The following PRDM10 variants were observed in gnomAD, a reference collection of about 807,000 sequenced individuals.
PRDM10 encodes PR domain zinc finger protein 10.
PRDM10 carries 65 observed loss-of-function variants against 133.1 expected under a neutral mutation model. The observed-to-expected ratio is 0.49, with a 90% CI of 0.40 to 0.60. The LOEUF is 0.60. Among genes scored for constraint, PRDM10 ranks in the 20% least tolerant of loss-of-function variants. PRDM10 has a pLI of 0.00. For missense variants in PRDM10, 1,137 were observed against 1,507.1 expected, an observed-to-expected ratio of 0.75 and a Z score of 4.07; for synonymous variants, 582 against 580.4, an observed-to-expected ratio of 1.00 and a Z score of -0.04.
intron 1 of PRDM10, among the ~76,000 whole-genome samples, chr11:129,979,245 A>G (rs1479439582): frequency 6.6e-6 from 1 of 152,126 alleles, no homozygotes; most frequent in East Asian, 1.9e-4. Context: ...ACGTGCCTGC[A>G]AAAAAACTGC....
rs539726751 is a variant in PRDM10 at position 129,960,850 on chromosome 11, C to T, written c.69+46G>A. The T allele has an allele frequency of 1.3e-4, 215 of 1,600,038 alleles. No individual in the cohort carries two copies. In the Admixed American group the frequency reaches 1.5e-3, roughly 11 times the overall value. On this transcript the variant is annotated intron_variant, in intron 2 of 20. Coordinates refer to ENST00000360871, the MANE Select transcript of PRDM10 (RefSeq NM_199437.2). ...TTCTTTGCTGTCAGCAAACTGAGTC[C>T]AGCTGAAAACCTCTCAATACCAAGC...
chr11:129,942,715 G>A, intron 6 of PRDM10, 86 bp from the exon 7 acceptor site: 1 of 1,222,956 alleles, frequency 8.2e-7, no homozygotes, highest in Non-Finnish European at 1.2e-6. Context: ...GCAAAATATT[G>A]CTTCTAAAAT....
rs193138495 is a variant in PRDM10, at chr11:129,906,179, C to T, written c.3164-438G>A. Among the ~76,000 whole-genome samples the T allele has an allele frequency of 3.4e-4, 52 of 152,236 alleles. No homozygotes were observed. In the East Asian group the frequency reaches 7.3e-3, roughly 21 times the overall value. On this transcript the variant is annotated intron_variant, in intron 19 of 20. Coordinates refer to ENST00000360871, the MANE Select transcript of PRDM10 (RefSeq NM_199437.2). ...ATTAGAGCAAATTAAAAATAAAGCC[C>T]ACCCTAGCATCTTGTTGATGGTCTC... is the stretch of plus-strand genomic sequence containing the variant.
Position 129,987,474 on chromosome 11 carries a change from G to A in PRDM10, c.-119+15248C>T, listed in dbSNP as rs527239910. ...CTGCTGCCAATATGGAAAACAGCCC[G>A]GCAATTCCACAGAAGACTAAACATA... On this transcript the variant is annotated intron_variant, in intron 1 of 20. Coordinates refer to ENST00000360871, the MANE Select transcript of PRDM10 (RefSeq NM_199437.2). 4.7e-4 allele frequency among the ~76,000 whole-genome samples: 71 copies of A among 152,198 alleles called. 1 individual carries two copies. In the South Asian group the frequency reaches 0.012, roughly 25 times the overall value.
intron 11 of PRDM10, among the ~76,000 whole-genome samples, chr11:129,928,056 A>G (rs1458206804): frequency 6.6e-6 from 1 of 152,192 alleles, no homozygotes; most frequent in African/African-American, 2.4e-5. Flanking sequence ...GAATTCTAAG[A>G]CAACAGATTA....
chr11:129,941,136 C>T lies in PRDM10; in HGVS notation c.966+1290G>A, dbSNP rs534175503. Among the ~76,000 whole-genome samples the T allele has an allele frequency of 1.4e-4, 22 of 152,294 alleles. No homozygotes were observed. In the East Asian group the frequency reaches 4.2e-3, roughly 29 times the overall value. ...TTTTGAACAAAATCCAGGATTCTTTCTCCCTCAAAAGAGGTATCCATTTCT... is the reference window on the plus strand; with the variant it reads ...TTTTGAACAAAATCCAGGATTCTTTTTCCCTCAAAAGAGGTATCCATTTCT... On this transcript the variant is annotated intron_variant, in intron 7 of 20. Transcript: ENST00000360871.
intron 17 of PRDM10, among the ~76,000 whole-genome samples, chr11:129,913,063 A>G (rs1249577808): frequency 6.7e-6 from 1 of 148,794 alleles, no homozygotes; most frequent in Non-Finnish European, 1.5e-5. Flanking sequence ...CCATCTCAAA[A>G]AAAAAAAATA....
At chr11:129,949,756 C>A (rs928431341) in intron 4 of PRDM10, among the ~76,000 whole-genome samples, 13 of 151,812 alleles carry the variant, frequency 8.6e-5, no homozygotes, top group African/African-American at 3.1e-4. Context: ...CATGGTGAAA[C>A]CCTGTCTCTA....
intron 1 of PRDM10, among the ~76,000 whole-genome samples, chr11:129,996,771 C>G (rs1371821911): frequency 6.6e-6 from 1 of 152,114 alleles, no homozygotes; most frequent in Non-Finnish European, 1.5e-5. Flanking sequence ...AGTGGCGGTT[C>G]CAAAAGAGAT....
At chr11:129,905,809 A>G in intron 19 of PRDM10, 68 bp from the exon 20 acceptor site, 2 of 1,335,020 alleles carry the variant, frequency 1.5e-6, no homozygotes, top group South Asian at 2.4e-5. Flanking sequence ...AAACAAAAAC[A>G]TAACCAGTAG....
At chr11:129,974,562 A>G (rs186896377) in intron 1 of PRDM10, among the ~76,000 whole-genome samples, 14 of 152,202 alleles carry the variant, frequency 9.2e-5, no homozygotes, top group African/African-American at 2.4e-4. Context: ...GATTGTTCTG[A>G]GCTAACTAGA....
intron 1 of PRDM10, among the ~76,000 whole-genome samples, chr11:129,988,065 T>C (rs1938526978): frequency 1.3e-5 from 2 of 152,110 alleles, no homozygotes; most frequent in South Asian, 4.1e-4. Context: ...CCTGAAAACA[T>C]TATGCTAAGT....
In PRDM10 at chr11:129,930,903, C is replaced by A. The variant is rs1950831731; in HGVS notation, c.1530+113G>T. ...ATAAGGGGATCGAGCATGTGACAGG[C>A]TAGATGCAAGATTTCAGAGAGGAAG... On this transcript the variant is annotated intron_variant, in intron 11 of 20. Transcript: ENST00000360871. The A allele has an allele frequency of 2.1e-6, 3 of 1,414,098 alleles. No individual in the cohort carries two copies. In the African/African-American group the frequency reaches 4.3e-5, roughly 20 times the overall value. The allele number at this position is 1,414,098 out of a possible 1,614,324, so 87.6% of individuals were successfully genotyped here.
intron 1 of PRDM10, among the ~76,000 whole-genome samples, chr11:129,964,875 A>C (rs907021033): frequency 2.6e-5 from 4 of 152,248 alleles, no homozygotes; most frequent in Non-Finnish European, 4.4e-5. Context: ...TTTTATTGTG[A>C]GGGTGAAATG....
At chr11:129,989,911 A>G (rs1174822014) in intron 1 of PRDM10, among the ~76,000 whole-genome samples, 1 of 152,176 alleles carries the variant, frequency 6.6e-6, no homozygotes, top group African/African-American at 2.4e-5. Context: ...AAGATTAAGA[A>G]GAAAACTCAG....
At chr11:129,932,572 G>A (rs1219926903) in intron 9 of PRDM10, among the ~76,000 whole-genome samples, 1 of 152,192 alleles carries the variant, frequency 6.6e-6, no homozygotes, top group Non-Finnish European at 1.5e-5. Context: ...GATGTCATCT[G>A]AGACAAGATT....
At chr11:129,905,949 T>C (rs1020259980) in intron 19 of PRDM10, among the ~76,000 whole-genome samples, 7 of 152,242 alleles carry the variant, frequency 4.6e-5, no homozygotes, top group Admixed American at 6.5e-5. Context: ...AGACAATCAG[T>C]GCATTCCCCT....
At chr11:129,926,808 A>G (rs563142017) in intron 11 of PRDM10, among the ~76,000 whole-genome samples, 33 of 152,356 alleles carry the variant, frequency 2.2e-4, no homozygotes, top group African/African-American at 7.0e-4. Flanking sequence ...AGCTTATAGG[A>G]AGTCTTCAAA....
rs868755359 is a variant in PRDM10 at position 129,933,977 on chromosome 11, T to C, written c.1157+1124A>G. Among the ~76,000 whole-genome samples, 8 of 152,314 alleles carry C rather than the reference T, an allele frequency of 5.3e-5. No individual in the cohort carries two copies. In the South Asian group the frequency reaches 1.5e-3, roughly 28 times the overall value. On this transcript the variant is annotated intron_variant, in intron 9 of 20. Transcript: ENST00000360871. ...AGCCACGCGAGCATCTCCAGTTCAA[T>C]CCTTCCGGTGCTTTCGTGCAGCTCT...
Sources: allele counts gnomAD v4.1 joint callset (sites outside exome capture counted in the v4.1 genomes callset), GRCh38; gene constraint gnomAD v4.1.1; transcripts MANE v1.5; gene names NCBI Gene and HGNC (gene_info 2026-07-23, HGNC 2026-07-21).